The following LRP8 variants were observed in gnomAD, a reference collection of about 807,000 sequenced individuals.
LRP8 encodes the protein low-density lipoprotein receptor-related protein 8.
A neutral mutation model predicts 111.6 loss-of-function variants in LRP8; 46 were observed. That is an observed-to-expected ratio of 0.41 (90% CI 0.33 to 0.53). LRP8 has a LOEUF of 0.53. LRP8 is among the 20% of genes least tolerant of loss of function. The pLI is 0.20. For missense variants in LRP8, 959 were observed against 1,297.4 expected (o/e 0.74, Z 4.01); for synonymous variants, 464 against 511.2 (o/e 0.91, Z 1.24).
At position 53,327,738 on chromosome 1, in the gene LRP8, T is replaced by C. The variant is rs753006189; in HGVS notation, c.124+51A>G. 7.1e-6 allele frequency: 10 copies of C among 1,405,830 alleles called. No individual in the cohort carries two copies. The South Asian group carries it at 1.2e-4, about 17-fold the overall frequency. The allele number at this position is 1,405,830 out of a possible 1,614,324, so 87.1% of individuals were successfully genotyped here. On this transcript the variant is annotated intron_variant, in intron 1 of 18. Transcript: ENST00000306052. ...CCGCTCCGGCCTCCCGGCCGCGCTT[T>C]GTTGGTGGCTAGGGCGGAGCAGAGC...
At position 53,257,389 on chromosome 1, in the gene LRP8, C is replaced by G. The variant is rs748562255; in HGVS notation, c.2285G>C (p.Gly762Ala). Residue 762 changes from glycine to alanine, a missense_variant, in exon 15 of 19, where the codon GGG (glycine) becomes GCG (alanine). Physicochemically the swap from Gly to Ala is moderately conservative, Grantham distance 60 (BLOSUM62 0). Transcript: ENST00000306052. The stretch of plus-strand genomic sequence containing the variant: ...GTAGGTGGATCTGTGGACGGTGGTC[C>G]CGGGGGCTCTTGTGGTGGCAGGTAC... ...RTVPATTRAP[G>A]TTVHRSTYQN... The G allele has an allele frequency of 1.2e-6, 2 of 1,613,916 alleles. No homozygotes were observed. The highest frequency in any genetic ancestry group is 1.7e-6 in the Non-Finnish European group (2 of 1,179,956).
At chr1:53,312,022 T>C (rs1372564124) in intron 2 of LRP8, among the ~76,000 whole-genome samples, 1 of 152,178 alleles carries the variant, frequency 6.6e-6, no homozygotes, top group Non-Finnish European at 1.5e-5. Flanking sequence ...AACAACGATC[T>C]CAGTGCTGCC....
At chr1:53,297,553 C>G (rs147946408) in intron 2 of LRP8, among the ~76,000 whole-genome samples, 5 of 152,324 alleles carry the variant, frequency 3.3e-5, no homozygotes, top group East Asian at 3.9e-4. Context: ...CCCTCTCCCC[C>G]ACCTTCCCAT....
intron 2 of LRP8, among the ~76,000 whole-genome samples, chr1:53,315,472 C>T (rs561981256): frequency 3.8e-4 from 58 of 152,342 alleles, no homozygotes; most frequent in African/African-American, 1.0e-3. Context: ...CCTTGAGGGG[C>T]GGCTCCATCC....
rs1225014565 is a variant in LRP8, at chr1:53,326,985, G to A, written c.132C>T (p.Ala44=). 6.2e-7 allele frequency: 1 copy of A among 1,612,896 alleles called. No individual in the cohort carries two copies. Among genetic ancestry groups the A allele is most frequent in the Non-Finnish European group, 8.5e-7 (1 of 1,179,934 alleles). ...ADPLLGGQGP[A]KDCEKDQFQC... The stretch of plus-strand genomic sequence containing the variant: ...GGAATTGGTCCTTTTCGCAATCCTT[G>A]GCCGGCCCTGCGAGGGGGAGGGAGC... The change falls in exon 2 of 19, where the codon GCC becomes GCT. Residue 44 remains alanine (A), a synonymous_variant. Transcript: ENST00000306052.
At position 53,317,139 on chromosome 1, in the gene LRP8, C is replaced by A. The variant is rs1400660900; in HGVS notation, c.244+9734G>T. Among the ~76,000 whole-genome samples the A allele has an allele frequency of 1.4e-5, 2 of 141,044 alleles. No homozygotes were observed. Among genetic ancestry groups the A allele is most frequent in the Non-Finnish European group, 3.1e-5 (2 of 64,148 alleles). 92.5% of individuals were successfully genotyped at this position (141,044 alleles called of 152,430 possible). A position where few individuals can be genotyped will look rare whatever the true frequency, so the allele number is the denominator to read the frequency against. On this transcript the variant is annotated intron_variant, in intron 2 of 18. Coordinates refer to ENST00000306052, the MANE Select transcript of LRP8 (RefSeq NM_004631.5). The surrounding 1 kb of genome is among the most constrained non-coding windows in gnomAD (Gnocchi z 4.9). ...TCTGAGAGTGTAGGGCAGCAGATGGCGGCTCAGGGTCCAGGAAGTGGGGGA... is the reference window on the plus strand; with the variant it reads ...TCTGAGAGTGTAGGGCAGCAGATGGAGGCTCAGGGTCCAGGAAGTGGGGGA...
intron 6 of LRP8, among the ~76,000 whole-genome samples, chr1:53,272,065 C>A (rs1164077835): frequency 6.6e-6 from 1 of 151,910 alleles, no homozygotes; most frequent in East Asian, 1.9e-4. Context: ...AGGATGCCCC[C>A]CCTAATGTGC....
intron 2 of LRP8, among the ~76,000 whole-genome samples, chr1:53,318,292 G>A (rs1330057133): frequency 6.6e-6 from 1 of 151,272 alleles, no homozygotes; most frequent in East Asian, 1.9e-4. Context: ...AACACCGCTC[G>A]TTGTTCTCTC....
intron 2 of LRP8, among the ~76,000 whole-genome samples, chr1:53,308,696 T>G (rs1652452757): frequency 6.6e-6 from 1 of 152,182 alleles, no homozygotes; most frequent in African/African-American, 2.4e-5. Flanking sequence ...AGGAGGGCTC[T>G]CAGAGCTGCT....
At chr1:53,301,908 C>G (rs927121373) in intron 2 of LRP8, among the ~76,000 whole-genome samples, 1 of 152,092 alleles carries the variant, frequency 6.6e-6, no homozygotes, top group Non-Finnish European at 1.5e-5. Flanking sequence ...CAGCCACAAC[C>G]CAGAACAAAA....
rs541395241 is a variant in LRP8 at position 53,290,299 on chromosome 1, C to T, written c.245-610G>A. Among the ~76,000 whole-genome samples the T allele has an allele frequency of 9.2e-5, 14 of 151,716 alleles. No homozygotes were observed. The South Asian group carries it at 2.9e-3, about 32-fold the overall frequency. Reference sequence around the variant, plus strand: ...TCTGGGGATCTCAATCCCACTTCCTCCTCCTCCTCCTCCTCCTATCTGTGT... The same window carrying T: ...TCTGGGGATCTCAATCCCACTTCCTTCTCCTCCTCCTCCTCCTATCTGTGT... On this transcript the variant is annotated intron_variant, in intron 2 of 18. Coordinates refer to ENST00000306052, the MANE Select transcript of LRP8 (RefSeq NM_004631.5).
At position 53,256,268 on chromosome 1, in the gene LRP8, C is replaced by T. The variant is rs748905245; in HGVS notation, c.2434+972G>A. On this transcript the variant is annotated intron_variant, in intron 15 of 18. Coordinates refer to ENST00000306052, the MANE Select transcript of LRP8 (RefSeq NM_004631.5). ...TCCATGTTACTCCAAGAGAATCTAA[C>T]AGTTAAGGGGAGAAAAAGCTGCACT... Among the ~76,000 whole-genome samples the T allele has an allele frequency of 4.0e-4, 61 of 152,246 alleles. 1 individual carries two copies. Among genetic ancestry groups the T allele is most frequent in the Admixed American group, 2.0e-4 (3 of 15,292 alleles).
rs547827830 is a variant in LRP8, at chr1:53,294,604, T to C, written c.245-4915A>G. Among the ~76,000 whole-genome samples, 4 of 152,296 alleles carry C rather than the reference T, an allele frequency of 2.6e-5. 1 individual carries two copies. Among genetic ancestry groups the C allele is most frequent in the Admixed American group, 2.6e-4 (4 of 15,306 alleles). On this transcript the variant is annotated intron_variant, in intron 2 of 18. Transcript: ENST00000306052. This position sits in a 1 kb window ranked among gnomAD's most constrained non-coding sequence, Gnocchi z 4.1. ...AACTGAGAAGCAAAAAGGTGCAAGT[T>C]AGAGGTGTGTGAAGTCACAGCCCTG...
At chr1:53,253,310 T>G (rs1645959050) in intron 16 of LRP8, among the ~76,000 whole-genome samples, 1 of 152,134 alleles carries the variant, frequency 6.6e-6, no homozygotes, top group South Asian at 2.1e-4. Flanking sequence ...ATAAACAAAC[T>G]TTAAAACCAA....
rs779110861 is a variant in LRP8, at chr1:53,249,007, C to T, written c.2853+373G>A. Among the ~76,000 whole-genome samples the T allele has an allele frequency of 6.6e-6, 1 of 152,208 alleles. No homozygotes were observed. The highest frequency in any genetic ancestry group is 6.5e-5 in the Admixed American group (1 of 15,280). The stretch of plus-strand genomic sequence containing the variant: ...ACTGGGAGTTTTCTTATTCCAAGTT[C>T]AGTGCTTCTTCCACTGTGCTCCCTC... On this transcript the variant is annotated intron_variant, in intron 18 of 18. Coordinates refer to ENST00000306052, the MANE Select transcript of LRP8 (RefSeq NM_004631.5). This position sits in a 1 kb window ranked among gnomAD's most constrained non-coding sequence, Gnocchi z 4.1.
chr1:53,248,086 T>C (rs974956819), intron 18 of LRP8, among the ~76,000 whole-genome samples: 2 of 152,204 alleles, frequency 1.3e-5, no homozygotes, highest in Admixed American at 6.5e-5. Flanking sequence ...AATGAGATAA[T>C]GCACAGAGAG....
rs907011954 is a variant in LRP8 at position 53,323,285 on chromosome 1, C to T, written c.244+3588G>A. Among the ~76,000 whole-genome samples the T allele has an allele frequency of 4.9e-4, 74 of 152,208 alleles. 1 individual carries two copies. Among genetic ancestry groups the T allele is most frequent in the Admixed American group, 4.8e-3 (74 of 15,286 alleles). On this transcript the variant is annotated intron_variant, in intron 2 of 18. Coordinates refer to ENST00000306052, the MANE Select transcript of LRP8 (RefSeq NM_004631.5). ...CGATGAGATAGGACTATTTCAGGTA[C>T]TTCATAGTGTTGCCCCATTTTATAG...
At chr1:53,309,229 C>G (rs61769650) in intron 2 of LRP8, among the ~76,000 whole-genome samples, 1 of 152,124 alleles carries the variant, frequency 6.6e-6, no homozygotes, top group African/African-American at 2.4e-5. Context: ...GAGCCGAGAC[C>G]ATGCCATTGC....
At position 53,260,622 on chromosome 1, in the gene LRP8, C is replaced by G. The variant is rs571882969; in HGVS notation, c.1915-17G>C. On this transcript the variant is annotated splice_polypyrimidine_tract_variant and intron_variant, in intron 12 of 18. Transcript: ENST00000306052. ...CACCTTGTCCTGTGGGGTATAGATGCAGAGGATGGGAGGCCTGGAGTGTAA... is the reference window on the plus strand; with the variant it reads ...CACCTTGTCCTGTGGGGTATAGATGGAGAGGATGGGAGGCCTGGAGTGTAA... The G allele has an allele frequency of 6.3e-5, 102 of 1,612,484 alleles. No individual in the cohort carries two copies. The Admixed American group carries it at 1.7e-3, about 26-fold the overall frequency.
Sources: allele counts gnomAD v4.1 joint callset (sites outside exome capture counted in the v4.1 genomes callset), GRCh38; gene constraint gnomAD v4.1.1; non-coding constraint Gnocchi (gnomAD v3.1); transcripts MANE v1.5; gene names NCBI Gene and HGNC (gene_info 2026-07-23, HGNC 2026-07-21).